The following DCC variants were observed in gnomAD, a reference collection of about 807,000 sequenced individuals.
DCC encodes the protein DCC netrin 1 receptor.
DCC carries 58 observed loss-of-function variants against 172.5 expected under a neutral mutation model. The observed-to-expected ratio is 0.34, with a 90% confidence interval of 0.27 to 0.42. The LOEUF (loss-of-function observed/expected upper bound fraction) is 0.42. Among genes scored for constraint, DCC ranks in the 10% least tolerant of loss-of-function variants. DCC has a pLI of 1.00. For synonymous variants in DCC, 709 were observed against 644.5 expected (o/e 1.10, Z -1.52); for missense variants, 1,740 against 1,791.0 (o/e 0.97, Z 0.51).
chr18:53,190,536 G>GA (rs899178645), intron 9 of DCC, among the ~76,000 whole-genome samples: 4 of 150,372 alleles, frequency 2.7e-5, no homozygotes, highest in Admixed American at 1.3e-4. Flanking sequence ...ATCGTTTCAG[G>GA]AAAAATGATC....
chr18:53,452,456 T>A (rs1488047907), intron 23 of DCC, among the ~76,000 whole-genome samples: 1 of 152,092 alleles, frequency 6.6e-6, no homozygotes, highest in Non-Finnish European at 1.5e-5. Flanking sequence ...GATTCCTGGA[T>A]ATATTTTGTT....
In DCC at chr18:53,531,181, T is replaced by G. The variant is rs571705702; in HGVS notation, c.*528T>G. 1 of 173,476 alleles carries G rather than the reference T, an allele frequency of 5.8e-6. No homozygotes were observed. Among genetic ancestry groups the G allele is most frequent in the East Asian group, 1.3e-4 (1 of 7,502 alleles). 10.7% of individuals were successfully genotyped at this position (173,476 alleles called of 1,614,324 possible). A position where few individuals can be genotyped will look rare whatever the true frequency, so the allele number is the denominator to read the frequency against. On this transcript the variant is annotated 3_prime_UTR_variant, in exon 29 of 29. Coordinates refer to ENST00000442544, the MANE Select transcript of DCC (RefSeq NM_005215.4). ...TTTTCCTTACAGCACAAAAAGTAAATAGTAAACAAACAAAAGGCAGAGAAT... is the reference window on the plus strand; with the variant it reads ...TTTTCCTTACAGCACAAAAAGTAAAGAGTAAACAAACAAAAGGCAGAGAAT...
At chr18:52,497,839 C>G (rs994201843) in intron 1 of DCC, among the ~76,000 whole-genome samples, 2 of 152,140 alleles carry the variant, frequency 1.3e-5, no homozygotes, top group African/African-American at 4.8e-5. Flanking sequence ...GCAGCAGAAT[C>G]TGCATTGTAA....
intron 12 of DCC, among the ~76,000 whole-genome samples, chr18:53,284,436 T>A (rs2056911574): frequency 6.6e-6 from 1 of 152,026 alleles, no homozygotes; most frequent in South Asian, 2.1e-4. Flanking sequence ...GATCTTATGG[T>A]TTTAAAAATG....
At chr18:52,370,538 G>A (rs1372429297) in intron 1 of DCC, among the ~76,000 whole-genome samples, 1 of 151,986 alleles carries the variant, frequency 6.6e-6, no homozygotes, top group Non-Finnish European at 1.5e-5. Context: ...ACATTGGGGG[G>A]AACAATACAC....
chr18:53,398,607 C>T (rs1311865400), intron 18 of DCC, among the ~76,000 whole-genome samples: 4 of 152,040 alleles, frequency 2.6e-5, no homozygotes, highest in Admixed American at 6.6e-5. Context: ...GAAATTTGGC[C>T]TTCCCTGTGT....
Position 52,959,940 on chromosome 18 carries a change from C to T in DCC, c.985+34570C>T, listed in dbSNP as rs969645688. Among the ~76,000 whole-genome samples, 9 of 152,142 alleles carry T rather than the reference C, an allele frequency of 5.9e-5. No individual in the cohort carries two copies. In the East Asian group the frequency reaches 1.2e-3, roughly 20 times the overall value. ...CATAATTGTAGCTCTGAACCTTCTT[C>T]GAAACTTTGATTTTTTATGTGTATA... On this transcript the variant is annotated intron_variant, in intron 5 of 28. Transcript: ENST00000442544.
chr18:53,013,036 C>T (rs984093731), intron 5 of DCC, among the ~76,000 whole-genome samples: 2 of 151,982 alleles, frequency 1.3e-5, no homozygotes, highest in Non-Finnish European at 2.9e-5. Context: ...CATTTCATAC[C>T]GTTAGAATGG....
chr18:53,118,576 A>G (rs1439183652), intron 7 of DCC, among the ~76,000 whole-genome samples: 1 of 151,828 alleles, frequency 6.6e-6, no homozygotes, highest in Non-Finnish European at 1.5e-5. Flanking sequence ...AATTCTGAGT[A>G]TATAATCATC....
chr18:52,829,180 AACATT>A (rs1461128743), intron 2 of DCC, among the ~76,000 whole-genome samples: 2 of 152,350 alleles, frequency 1.3e-5, no homozygotes, highest in Admixed American at 6.5e-5. Context: ...CCAGAAACAT[AACATT>A]ACATTTGAGC....
chr18:53,025,754 A>C (rs528075915), intron 5 of DCC, among the ~76,000 whole-genome samples: 23 of 150,832 alleles, frequency 1.5e-4, no homozygotes, highest in Middle Eastern at 3.4e-3. Context: ...TATAAGATTA[A>C]ATGGGCAGAG....
chr18:52,383,515 A>C (rs1255515443), intron 1 of DCC, among the ~76,000 whole-genome samples: 3 of 152,010 alleles, frequency 2.0e-5, no homozygotes, highest in Non-Finnish European at 4.4e-5. Flanking sequence ...TATATTATGT[A>C]GCATTTGTTT....
At chr18:53,501,097 G>A (rs2046092383) in intron 27 of DCC, among the ~76,000 whole-genome samples, 1 of 152,312 alleles carries the variant, frequency 6.6e-6, no homozygotes, top group East Asian at 1.9e-4. Flanking sequence ...CAAGGAAACA[G>A]ACCTTGAAGG....
intron 5 of DCC, among the ~76,000 whole-genome samples, chr18:53,028,118 C>A (rs2041981257): frequency 6.6e-6 from 1 of 152,078 alleles, no homozygotes; most frequent in African/African-American, 2.4e-5. Flanking sequence ...AAGTTAATAG[C>A]ATTGCAGAAA....
At chr18:52,574,941 T>G (rs17828431) in intron 1 of DCC, among the ~76,000 whole-genome samples, 7,672 of 152,200 alleles carry the variant, frequency 0.05, 313 homozygotes, top group Admixed American at 0.12. Flanking sequence ...ACCTTCTGAA[T>G]TAGGTACACT....
At chr18:53,274,825 A>G (rs2144714798) in intron 12 of DCC, among the ~76,000 whole-genome samples, 1 of 152,250 alleles carries the variant, frequency 6.6e-6, no homozygotes, top group Non-Finnish European at 1.5e-5. Flanking sequence ...AGGATCCTTT[A>G]GAAATACAGT....
chr18:52,480,409 G>A (rs2029910893), intron 1 of DCC, among the ~76,000 whole-genome samples: 1 of 151,262 alleles, frequency 6.6e-6, no homozygotes, highest in Non-Finnish European at 1.5e-5. Context: ...TTTCTTCAAA[G>A]AGAAAGATCT....
At chr18:53,339,974 T>C (rs965428375) in intron 15 of DCC, 67 bp downstream of exon 15, 9 of 1,460,194 alleles carry the variant, frequency 6.2e-6, no homozygotes, top group Non-Finnish European at 8.5e-6. Flanking sequence ...TTATTGTATT[T>C]CTTGGAAAAC....
intron 15 of DCC, among the ~76,000 whole-genome samples, chr18:53,366,702 CA>C (rs2058008489): frequency 6.6e-6 from 1 of 152,150 alleles, no homozygotes; most frequent in Admixed American, 6.5e-5. Context: ...TGAGTTTTAA[CA>C]AGACACGTAA....
Sources: allele counts gnomAD v4.1 joint callset (sites outside exome capture counted in the v4.1 genomes callset), GRCh38; gene constraint gnomAD v4.1.1; transcripts MANE v1.5; gene names NCBI Gene and HGNC (gene_info 2026-07-23, HGNC 2026-07-21).